The following PLCB4 variants were observed in gnomAD, a reference collection of about 807,000 sequenced individuals.
The protein encoded by PLCB4 is phospholipase C beta 4, also known as 1-phosphatidylinositol 4,5-bisphosphate phosphodiesterase beta-4.
In PLCB4, 77 loss-of-function variants were observed where a neutral mutation model predicts 178.8. The observed-to-expected ratio is 0.43, with a 90% CI of 0.36 to 0.52. The LOEUF is 0.52. Among genes scored for constraint, PLCB4 ranks in the 20% least tolerant of loss-of-function variants. PLCB4 has a pLI of 0.00. For synonymous variants in PLCB4, 496 were observed against 490.8 expected (o/e 1.01, Z -0.14); for missense variants, 1,024 against 1,453.4 (o/e 0.70, Z 4.80).
At chr20:9,069,882 C>G (rs1051359571) in intron 1 of PLCB4, among the ~76,000 whole-genome samples, 1 of 152,078 alleles carries the variant, frequency 6.6e-6, no homozygotes, top group African/African-American at 2.4e-5. Context: ...TACAACTGCC[C>G]ACTATAGTTT....
intron 39 of PLCB4, 32 bp from the exon 40 acceptor site, chr20:9,478,889 A>G: frequency 6.4e-7 from 1 of 1,552,326 alleles, no homozygotes; most frequent in Non-Finnish European, 8.9e-7. Context: ...AAGGATTTCA[A>G]CACACGTAAG....
intron 23 of PLCB4, 80 bp from the exon 24 acceptor site, chr20:9,408,977 C>A: frequency 1.5e-6 from 2 of 1,298,254 alleles, no homozygotes; most frequent in Non-Finnish European, 1.1e-6. Flanking sequence ...TTGGCCTAGA[C>A]CTTTGTTGTT....
At chr20:9,244,780 G>A (rs942894850) in intron 3 of PLCB4, among the ~76,000 whole-genome samples, 13 of 152,162 alleles carry the variant, frequency 8.5e-5, no homozygotes, top group African/African-American at 2.9e-4. Flanking sequence ...CAATTTTGCA[G>A]TGCTTGAATT....
intron 3 of PLCB4, among the ~76,000 whole-genome samples, chr20:9,285,086 T>C (rs1222016703): frequency 6.6e-6 from 1 of 150,690 alleles, no homozygotes; most frequent in African/African-American, 2.4e-5. Flanking sequence ...AAGAAAACCA[T>C]CAAAAAACAA....
In PLCB4 at chr20:9,255,510, A is replaced by G. The variant is rs565143514; in HGVS notation, c.-16+38058A>G. Among the ~76,000 whole-genome samples, 4 of 151,942 alleles carry G rather than the reference A, an allele frequency of 2.6e-5. No homozygotes were observed. In the South Asian group the frequency reaches 8.3e-4, roughly 32 times the overall value. On this transcript the variant is annotated intron_variant, in intron 3 of 39. Transcript: ENST00000378473. ...TTTTTTCTTTATTCTGGAAGCAGTAAAACTTTGAACTTAGTTTTTTTTTTT... is the reference window on the plus strand; with the variant it reads ...TTTTTTCTTTATTCTGGAAGCAGTAGAACTTTGAACTTAGTTTTTTTTTTT...
chr20:9,173,409 G>C (rs543880926), intron 2 of PLCB4, among the ~76,000 whole-genome samples: 1 of 152,288 alleles, frequency 6.6e-6, no homozygotes, highest in South Asian at 2.1e-4. Context: ...ACGCTCTCCA[G>C]TTCCACCCAG....
At chr20:9,378,156 C>G (rs955940910) in intron 12 of PLCB4, among the ~76,000 whole-genome samples, 9 of 152,174 alleles carry the variant, frequency 5.9e-5, no homozygotes, top group African/African-American at 2.2e-4. Flanking sequence ...TATCTCTTCT[C>G]TCTCCTGTAG....
intron 2 of PLCB4, among the ~76,000 whole-genome samples, chr20:9,114,828 A>G (rs777949237): frequency 1.3e-5 from 2 of 152,188 alleles, no homozygotes; most frequent in Non-Finnish European, 2.9e-5. Flanking sequence ...GTCAAAGCAC[A>G]CTGCTGTAAA....
intron 2 of PLCB4, among the ~76,000 whole-genome samples, chr20:9,158,937 G>A (rs2092837309): frequency 6.6e-6 from 1 of 152,038 alleles, no homozygotes; most frequent in Admixed American, 6.5e-5. Flanking sequence ...TAGTGTTAAT[G>A]GCTCCTACAC....
chr20:9,349,231 C>T (rs2034105632), intron 7 of PLCB4, among the ~76,000 whole-genome samples: 1 of 152,066 alleles, frequency 6.6e-6, no homozygotes, highest in African/African-American at 2.4e-5. Context: ...CCACTTCTAC[C>T]TACTTTCAAA....
At chr20:9,256,950 T>C (rs1457581371) in intron 3 of PLCB4, among the ~76,000 whole-genome samples, 2 of 152,184 alleles carry the variant, frequency 1.3e-5, no homozygotes, top group Non-Finnish European at 2.9e-5. Context: ...AACTTGCACA[T>C]TGAGGTTTGT....
chr20:9,405,187 A>G, intron 20 of PLCB4, 126 bp from the exon 21 acceptor site: 2 of 573,502 alleles, frequency 3.5e-6, no homozygotes, highest in Non-Finnish European at 6.2e-6. Context: ...GTAATGTCCC[A>G]CCTTAGCAAA....
chr20:9,338,197 A>C lies in PLCB4; in HGVS notation c.225+130A>C, dbSNP rs2032728875. ...AAAACATTTGATCTCAGTTTTGAGA[A>C]TAGCATGTGGTTGCTGGTTGTGGTA... On this transcript the variant is annotated intron_variant, in intron 6 of 39. Coordinates refer to ENST00000378473, the MANE Select transcript of PLCB4 (RefSeq NM_001377142.1). 7 of 662,720 alleles carry C rather than the reference A, an allele frequency of 1.1e-5. No individual in the cohort carries two copies. The East Asian group carries it at 1.9e-4, about 18-fold the overall frequency. The allele number at this position is 662,720 out of a possible 1,614,324, so 41.1% of individuals were successfully genotyped here. A position where few individuals can be genotyped will look rare whatever the true frequency, so the allele number is the denominator to read the frequency against.
chr20:9,408,612 A>G lies in PLCB4; in HGVS notation c.1790-21A>G, dbSNP rs186587812. ...GTTTGATGGCAGAGTTCCTGAATCC[A>G]TCTTTGCTTTTCTTTTACAGAACGC... is the stretch of plus-strand genomic sequence containing the variant. On this transcript the variant is annotated intron_variant, in intron 22 of 39. Coordinates refer to ENST00000378473, the MANE Select transcript of PLCB4 (RefSeq NM_001377142.1). The G allele has an allele frequency of 7.9e-6, 10 of 1,260,958 alleles. No homozygotes were observed. The African/African-American group carries it at 1.3e-4, about 17-fold the overall frequency. 78.1% of individuals were successfully genotyped at this position (1,260,958 alleles called of 1,614,324 possible). A position where few individuals can be genotyped will look rare whatever the true frequency, so the allele number is the denominator to read the frequency against.
At chr20:9,155,436 T>C (rs978494555) in intron 2 of PLCB4, among the ~76,000 whole-genome samples, 2 of 152,168 alleles carry the variant, frequency 1.3e-5, no homozygotes, top group Admixed American at 6.6e-5. Context: ...GCAAAGTCAC[T>C]TTACAAAGGG....
At chr20:9,345,519 C>G (rs1262391365) in intron 7 of PLCB4, among the ~76,000 whole-genome samples, 4 of 152,170 alleles carry the variant, frequency 2.6e-5, no homozygotes, top group Admixed American at 2.0e-4. Flanking sequence ...ATCACAGTCA[C>G]TAGACGTAAG....
At chr20:9,442,112 T>C (rs1164921249) in intron 30 of PLCB4, among the ~76,000 whole-genome samples, 1 of 152,202 alleles carries the variant, frequency 6.6e-6, no homozygotes. Flanking sequence ...CCTGTAGACC[T>C]GCACAGTCCT....
At chr20:9,435,504 G>T in intron 28 of PLCB4, 56 bp from the exon 29 acceptor site, 1 of 1,000,362 alleles carries the variant, frequency 1.0e-6, no homozygotes, top group Non-Finnish European at 1.6e-6. Flanking sequence ...GAGTTTTAAT[G>T]AATATTTTCA....
At chr20:9,369,760 C>T (rs55774042) in intron 9 of PLCB4, among the ~76,000 whole-genome samples, 10,237 of 152,260 alleles carry the variant, frequency 0.067, 371 homozygotes, top group Middle Eastern at 0.092. Flanking sequence ...CTTTCTCCCA[C>T]TCAGGAAGAG....
Sources: allele counts gnomAD v4.1 joint callset (sites outside exome capture counted in the v4.1 genomes callset), GRCh38; gene constraint gnomAD v4.1.1; transcripts MANE v1.5; gene names NCBI Gene and HGNC (gene_info 2026-07-23, HGNC 2026-07-21).